STK32B: variants seen among roughly 807,000 people sequenced by gnomAD.
STK32B encodes the protein serine/threonine-protein kinase 32B.
STK32B carries 43 observed loss-of-function variants against 52.6 expected under a neutral mutation model. The observed-to-expected ratio is 0.82, with a 90% CI of 0.64 to 1.05. The LOEUF is 1.05. STK32B is among the 50% of genes least tolerant of loss of function. The pLI is 0.00. For synonymous variants in STK32B, 238 were observed against 204.3 expected, an observed-to-expected ratio of 1.17 and a Z score of -1.41; for missense variants, 621 against 534.6, an observed-to-expected ratio of 1.16 and a Z score of -1.59.
At chr4:5,167,311 G>A (rs1265904342) in intron 2 of STK32B, among the ~76,000 whole-genome samples, 1 of 152,190 alleles carries the variant, frequency 6.6e-6, no homozygotes, top group Non-Finnish European at 1.5e-5. Flanking sequence ...TAGTACACTT[G>A]GGGCTACAGC....
At chr4:5,056,805 G>C (rs552168394) in intron 1 of STK32B, among the ~76,000 whole-genome samples, 2 of 152,308 alleles carry the variant, frequency 1.3e-5, no homozygotes, top group South Asian at 4.2e-4. Context: ...GGTAGAGTCA[G>C]CTCCACTTGA....
chr4:5,044,588 T>C, the STK32B span, among the ~76,000 whole-genome samples: 12 of 152,266 alleles, frequency 7.9e-5, no homozygotes, highest in Non-Finnish European at 1.5e-4. Flanking sequence ...AGGAAATCCG[T>C]TTAGGTTTTC....
intron 1 of STK32B, among the ~76,000 whole-genome samples, chr4:5,053,936 A>G (rs1309614677): frequency 1.3e-5 from 2 of 151,760 alleles, no homozygotes; most frequent in African/African-American, 4.9e-5. Flanking sequence ...CTGAGATCGC[A>G]CCATTGCATT....
chr4:5,387,257 G>A (rs1041356919), intron 4 of STK32B, among the ~76,000 whole-genome samples: 1 of 152,168 alleles, frequency 6.6e-6, no homozygotes. Flanking sequence ...TTTACAGACG[G>A]GATAATGCCA....
chr4:5,357,098 C>CAA (rs1247621920), intron 4 of STK32B, among the ~76,000 whole-genome samples: 1 of 151,868 alleles, frequency 6.6e-6, no homozygotes, highest in Non-Finnish European at 1.5e-5. Flanking sequence ...TACACACACA[C>CAA]ACACACACAC....
intron 3 of STK32B, among the ~76,000 whole-genome samples, chr4:5,240,074 G>GTCTC (rs1177015909): frequency 1.6e-5 from 2 of 126,126 alleles, no homozygotes; most frequent in Non-Finnish European, 1.6e-5. Context: ...CTCTCTCTCT[G>GTCTC]TCTCTCTCTC....
chr4:5,320,188 A>G (rs1731394963), intron 3 of STK32B, among the ~76,000 whole-genome samples: 1 of 152,014 alleles, frequency 6.6e-6, no homozygotes. Flanking sequence ...CCCCTCCTAG[A>G]GTACAATGAG....
At chr4:5,201,785 C>G (rs1313649724) in intron 3 of STK32B, among the ~76,000 whole-genome samples, 1 of 152,132 alleles carries the variant, frequency 6.6e-6, no homozygotes, top group African/African-American at 2.4e-5. Context: ...TAAGAACTCA[C>G]TCACTGTCTC....
In STK32B at chr4:5,456,787, C is replaced by T. The variant is rs779935025; in HGVS notation, c.667-20C>T. 1 of 1,549,250 alleles carries T rather than the reference C, an allele frequency of 6.5e-7. No homozygotes were observed. ...CCAATGGCTCTCTCTCTGATTCTGG[C>T]TGTTGTTCTTTGATTGCAGAGGCCG... On this transcript the variant is annotated intron_variant, in intron 7 of 11. Transcript: ENST00000282908.
rs780446239 is a variant in STK32B, at chr4:5,427,348, G to GT, written c.562+10416dup. 6.0e-3 allele frequency among the ~76,000 whole-genome samples: 876 copies of GT among 146,338 alleles called. 3 individuals carry two copies. Among genetic ancestry groups the GT allele is most frequent in the Non-Finnish European group, 1.0e-2 (675 of 67,650 alleles). On this transcript the variant is annotated intron_variant, in intron 6 of 11. Coordinates refer to ENST00000282908, the MANE Select transcript of STK32B (RefSeq NM_018401.3). ...GGTTCTTGAGGAATTTTTGTCTGTA[G>GT]TTCTATTTTCTTGTAACAACTTGGT...
At chr4:5,176,429 G>C (rs549789783) in intron 3 of STK32B, among the ~76,000 whole-genome samples, 2 of 144,368 alleles carry the variant, frequency 1.4e-5, no homozygotes. Context: ...GTTCCTATTC[G>C]GCCATCATCT....
At chr4:5,401,815 A>G (rs1737309109) in intron 5 of STK32B, among the ~76,000 whole-genome samples, 1 of 152,232 alleles carries the variant, frequency 6.6e-6, no homozygotes, top group Non-Finnish European at 1.5e-5. Context: ...CTTAAATCGC[A>G]TAAACAAAAA....
At chr4:5,448,449 A>T (rs1161480432) in intron 7 of STK32B, among the ~76,000 whole-genome samples, 2 of 152,172 alleles carry the variant, frequency 1.3e-5, no homozygotes. Flanking sequence ...TGTTAATCTT[A>T]TGTAATCAAT....
chr4:5,291,733 A>C (rs994672556), intron 3 of STK32B, among the ~76,000 whole-genome samples: 8 of 152,082 alleles, frequency 5.3e-5, no homozygotes, highest in Admixed American at 4.6e-4. Flanking sequence ...TCCTGATCTT[A>C]AGGGGAAAGC....
At chr4:5,345,687 C>G (rs946165455) in intron 4 of STK32B, among the ~76,000 whole-genome samples, 1 of 152,152 alleles carries the variant, frequency 6.6e-6, no homozygotes, top group Non-Finnish European at 1.5e-5. Flanking sequence ...AGTGGCCACC[C>G]CAAGTCACCA....
At position 5,051,634 on chromosome 4, in the gene STK32B, G is replaced by A. The variant is rs1577609800; in HGVS notation, c.-230G>A. The A allele has an allele frequency of 5.7e-6, 3 of 529,812 alleles. No individual in the cohort carries two copies. Among genetic ancestry groups the A allele is most frequent in the Non-Finnish European group, 9.7e-6 (3 of 310,170 alleles). The allele number at this position is 529,812 out of a possible 1,614,324, so 32.8% of individuals were successfully genotyped here. ...GCGAGCGCAGCCCGAGGCGGGGCAC[G>A]GCGGAAGGCGCGGCGAGAGCGGGGT... is the stretch of plus-strand genomic sequence containing the variant. On this transcript the variant is annotated 5_prime_UTR_variant, in exon 1 of 12. Coordinates refer to ENST00000282908, the MANE Select transcript of STK32B (RefSeq NM_018401.3).
intron 1 of STK32B, among the ~76,000 whole-genome samples, chr4:5,133,159 C>T (rs1715882275): frequency 6.6e-6 from 1 of 152,218 alleles, no homozygotes; most frequent in Non-Finnish European, 1.5e-5. Flanking sequence ...AAGGTCAGCT[C>T]CCCTGTTGTA....
chr4:5,423,403 A>C (rs1712807636), intron 6 of STK32B, among the ~76,000 whole-genome samples: 1 of 152,106 alleles, frequency 6.6e-6, no homozygotes, highest in Non-Finnish European at 1.5e-5. Flanking sequence ...GAGAAATGGG[A>C]TTAATGGTTT....
intron 3 of STK32B, among the ~76,000 whole-genome samples, chr4:5,316,073 G>A (rs910375054): frequency 1.5e-5 from 2 of 133,258 alleles, no homozygotes; most frequent in African/African-American, 3.2e-5. Flanking sequence ...AGTTTTGATG[G>A]AGAATATATA....
Sources: gnomAD v4.1 joint callset for allele counts (sites outside exome capture counted in the v4.1 genomes callset) on GRCh38, gnomAD v4.1.1 for gene constraint, MANE v1.5 for transcripts, NCBI Gene and HGNC (gene_info 2026-07-23, HGNC 2026-07-21) for gene names.